SUMF1: variants seen among roughly 807,000 people sequenced by gnomAD.
SUMF1 encodes the protein formylglycine-generating enzyme.
In SUMF1, 48 loss-of-function variants were observed where a neutral mutation model predicts 47.6. That is an observed-to-expected ratio of 1.01 (90% CI 0.80 to 1.28). The LOEUF is 1.28. Among genes scored for constraint, SUMF1 ranks in the 50% most tolerant of loss-of-function variants. The pLI is 0.00. For synonymous variants in SUMF1, 230 were observed against 192.1 expected (o/e 1.20, Z -1.63); for missense variants, 571 against 485.4 (o/e 1.18, Z -1.66).
chr3:4,427,124 A>G (rs574749271), intron 3 of SUMF1, among the ~76,000 whole-genome samples: 1 of 152,366 alleles, frequency 6.6e-6, no homozygotes, highest in East Asian at 1.9e-4. Flanking sequence ...ATACACACAC[A>G]GCCCAGAATA....
At chr3:4,104,993 T>C (rs1279736164) in intron 8 of SUMF1, among the ~76,000 whole-genome samples, 1 of 152,144 alleles carries the variant, frequency 6.6e-6, no homozygotes, top group East Asian at 1.9e-4. Context: ...TATCAACGAA[T>C]GCATAAAGAA....
intron 8 of SUMF1, among the ~76,000 whole-genome samples, chr3:4,294,366 G>A (rs958612985): frequency 7.2e-5 from 11 of 152,032 alleles, no homozygotes; most frequent in East Asian, 3.9e-4. Flanking sequence ...AGTTCAAGAC[G>A]AGCCCAGGCA....
At chr3:4,230,454 C>T (rs1465899713) in intron 8 of SUMF1, among the ~76,000 whole-genome samples, 1 of 152,066 alleles carries the variant, frequency 6.6e-6, no homozygotes, top group East Asian at 1.9e-4. Context: ...CAACACTTGA[C>T]TTATATTTAT....
chr3:4,347,316 A>G (rs147793805), intron 8 of SUMF1, among the ~76,000 whole-genome samples: 48 of 152,360 alleles, frequency 3.2e-4, no homozygotes, highest in African/African-American at 1.1e-3. Flanking sequence ...CCAGCAGCAC[A>G]TCAAACAACT....
At chr3:4,094,779 T>G (rs905656174) in intron 8 of SUMF1, among the ~76,000 whole-genome samples, 1 of 152,098 alleles carries the variant, frequency 6.6e-6, no homozygotes, top group African/African-American at 2.4e-5. Flanking sequence ...GTTAGGGAAG[T>G]AATGATACAG....
intron 1 of SUMF1, among the ~76,000 whole-genome samples, chr3:4,456,388 A>C (rs920164340): frequency 6.6e-5 from 10 of 151,988 alleles, no homozygotes; most frequent in South Asian, 2.1e-4. Flanking sequence ...GAAAGAAAGA[A>C]ACAGCATCCA....
At chr3:4,365,816 G>T (rs2125188114) in intron 8 of SUMF1, among the ~76,000 whole-genome samples, 1 of 151,928 alleles carries the variant, frequency 6.6e-6, no homozygotes, top group African/African-American at 2.4e-5. Context: ...TAGTCTCGAT[G>T]GTCTTTACAA....
chr3:4,222,693 G>T (rs890457000), intron 8 of SUMF1, among the ~76,000 whole-genome samples: 1 of 152,056 alleles, frequency 6.6e-6, no homozygotes, highest in Non-Finnish European at 1.5e-5. Flanking sequence ...ACCCATCAAG[G>T]TTCACTGTGA....
chr3:4,079,399 A>G (rs761886737), intron 8 of SUMF1, among the ~76,000 whole-genome samples: 1 of 152,004 alleles, frequency 6.6e-6, no homozygotes, highest in Non-Finnish European at 1.5e-5. Context: ...GGGTTTTGAT[A>G]CCATTTGGAG....
chr3:4,099,388 A>C (rs1369084470), intron 8 of SUMF1, among the ~76,000 whole-genome samples: 1 of 152,176 alleles, frequency 6.6e-6, no homozygotes, highest in Non-Finnish European at 1.5e-5. Context: ...GATGCAGAAA[A>C]AGCATGTGAC....
At chr3:4,099,707 C>T (rs1213710547) in intron 8 of SUMF1, among the ~76,000 whole-genome samples, 1 of 151,782 alleles carries the variant, frequency 6.6e-6, no homozygotes, top group East Asian at 1.9e-4. Flanking sequence ...TATAGAAAAT[C>T]CTAAAGACTC....
intron 8 of SUMF1, among the ~76,000 whole-genome samples, chr3:4,150,694 T>C (rs1414233897): frequency 6.6e-6 from 1 of 151,672 alleles, no homozygotes; most frequent in East Asian, 1.9e-4. Flanking sequence ...TTCAACTTTA[T>C]TTTTAATAAG....
At chr3:4,076,169 G>T (rs1692428278) in intron 8 of SUMF1, among the ~76,000 whole-genome samples, 1 of 151,966 alleles carries the variant, frequency 6.6e-6, no homozygotes. Flanking sequence ...CAGAACAGAG[G>T]CCTCAAAAAT....
At chr3:4,433,567 G>C (rs1398767037) in intron 3 of SUMF1, among the ~76,000 whole-genome samples, 1 of 152,180 alleles carries the variant, frequency 6.6e-6, no homozygotes, top group Non-Finnish European at 1.5e-5. Flanking sequence ...GAATAACTCA[G>C]TTACCGTGAA....
intron 8 of SUMF1, among the ~76,000 whole-genome samples, chr3:4,270,225 T>C (rs544462588): frequency 1.1e-3 from 160 of 152,160 alleles, no homozygotes; most frequent in Non-Finnish European, 1.4e-3. Context: ...AGCCTCAGTA[T>C]TGAAATAATT....
At chr3:4,197,163 G>A (rs1451934858) in intron 8 of SUMF1, among the ~76,000 whole-genome samples, 1 of 152,140 alleles carries the variant, frequency 6.6e-6, no homozygotes, top group Non-Finnish European at 1.5e-5. Flanking sequence ...CATGGACCTG[G>A]AGTACAGTGG....
chr3:4,318,951 A>G (rs1014248378), intron 8 of SUMF1, among the ~76,000 whole-genome samples: 7 of 152,288 alleles, frequency 4.6e-5, no homozygotes, highest in Admixed American at 2.6e-4. Flanking sequence ...CAAATGACCC[A>G]ATTTAAACAT....
At chr3:4,213,885 T>A (rs889578655) in intron 8 of SUMF1, among the ~76,000 whole-genome samples, 3 of 152,120 alleles carry the variant, frequency 2.0e-5, no homozygotes, top group African/African-American at 7.2e-5. Context: ...ATGCACCCAA[T>A]ACAGGAGGAT....
At chr3:4,225,226 G>C (rs1696148063) in intron 8 of SUMF1, among the ~76,000 whole-genome samples, 1 of 152,104 alleles carries the variant, frequency 6.6e-6, no homozygotes, top group South Asian at 2.1e-4. Context: ...TGACAATTGA[G>C]CCTTGAAGGC....
Sources: gnomAD v4.1 joint callset for allele counts (sites outside exome capture counted in the v4.1 genomes callset) on GRCh38, gnomAD v4.1.1 for gene constraint, MANE v1.5 for transcripts, NCBI Gene and HGNC (gene_info 2026-07-23, HGNC 2026-07-21) for gene names.